Variants in NOX4 observed in about 807,000 individuals in gnomAD.
NOX4 encodes the protein kidney oxidase-1.
NOX4 carries 69 observed loss-of-function variants against 87.6 expected under a neutral mutation model. The ratio of observed to expected loss-of-function variants is 0.79; its 90% CI spans 0.65 to 0.96. NOX4 has a LOEUF of 0.96. Ranked by LOEUF, NOX4 falls within the 40% of genes least tolerant of loss-of-function variation. The pLI, the probability that NOX4 is intolerant of heterozygous loss-of-function variation, is 0.00. For synonymous variants in NOX4, 275 were observed against 238.2 expected, an observed-to-expected ratio of 1.15 and a Z score of -1.42; for missense variants, 680 against 681.5, an observed-to-expected ratio of 1.00 and a Z score of 0.02.
chr11:89,490,750 C>A, intron 1 of NOX4, 197 bp from the exon 2 acceptor site: 1 of 698,348 alleles, frequency 1.4e-6, no homozygotes, highest in South Asian at 1.5e-5. Context: ...CCAGCCCTTT[C>A]ACCTGAGACT....
chr11:89,423,001 T>C (rs1446834223), intron 7 of NOX4, among the ~76,000 whole-genome samples: 2 of 152,026 alleles, frequency 1.3e-5, no homozygotes, highest in South Asian at 2.1e-4. Flanking sequence ...GGTTTCACCA[T>C]GTTGGCCAGG....
intron 7 of NOX4, among the ~76,000 whole-genome samples, chr11:89,423,033 C>G (rs796477915): frequency 1.3e-5 from 2 of 152,040 alleles, no homozygotes; most frequent in African/African-American, 4.8e-5. Flanking sequence ...CTCCTGACCT[C>G]GTGATCCACC....
At chr11:89,553,615 C>G in the NOX4 span, among the ~76,000 whole-genome samples, 1 of 150,118 alleles carries the variant, frequency 6.7e-6, no homozygotes, top group Non-Finnish European at 1.5e-5. Flanking sequence ...AGTAGAGAGA[C>G]AAAAAAAAAT....
At chr11:89,491,122 C>A in intron 1 of NOX4, 68 bp downstream of exon 1, 1 of 1,477,918 alleles carries the variant, frequency 6.8e-7, no homozygotes, top group Non-Finnish European at 9.4e-7. Flanking sequence ...CCCGTGCACG[C>A]TCAGAGAATG....
At chr11:89,339,244 G>T (rs552914673) in intron 15 of NOX4, among the ~76,000 whole-genome samples, 2 of 152,208 alleles carry the variant, frequency 1.3e-5, no homozygotes, top group Non-Finnish European at 2.9e-5. Context: ...AAAGAATCTG[G>T]TGGGTCTATC....
At chr11:89,435,936 A>G (rs925673416) in intron 6 of NOX4, among the ~76,000 whole-genome samples, 1 of 152,178 alleles carries the variant, frequency 6.6e-6, no homozygotes, top group Admixed American at 6.6e-5. Context: ...TTAATAAAGT[A>G]ATAGATTTCA....
intron 15 of NOX4, among the ~76,000 whole-genome samples, chr11:89,338,498 A>G (rs577909839): frequency 6.6e-6 from 1 of 152,194 alleles, no homozygotes; most frequent in East Asian, 1.9e-4. Flanking sequence ...TCTTCTAGGT[A>G]CATACCTAGA....
chr11:89,372,019 C>G (rs1050111683), intron 12 of NOX4, among the ~76,000 whole-genome samples: 1 of 151,676 alleles, frequency 6.6e-6, no homozygotes, highest in African/African-American at 2.4e-5. Context: ...ATGAAATAAC[C>G]TCCTTATATA....
intron 2 of NOX4, among the ~76,000 whole-genome samples, chr11:89,470,490 A>T (rs573326746): frequency 1.3e-5 from 2 of 152,310 alleles, no homozygotes; most frequent in South Asian, 4.1e-4. Flanking sequence ...TTAGAAAAAG[A>T]GAATACCAAA....
At position 89,403,879 on chromosome 11, in the gene NOX4, T is replaced by A. The variant is rs370012687; in HGVS notation, c.630-1337A>T. 3.0e-4 allele frequency among the ~76,000 whole-genome samples: 45 copies of A among 152,328 alleles called. No individual in the cohort carries two copies. In the South Asian group the frequency reaches 9.1e-3, roughly 31 times the overall value. The stretch of plus-strand genomic sequence containing the variant: ...GGCCAGTCTCTGGTTGTATTCACCA[T>A]CTCCTCATCCTGATCACTTTCCTTT... On this transcript the variant is annotated intron_variant, in intron 8 of 17. Transcript: ENST00000263317.
At chr11:89,545,080 G>C in the NOX4 span, 1 of 152,130 alleles carries the variant, frequency 6.6e-6, no homozygotes, top group Non-Finnish European at 1.5e-5. Context: ...TGGTCTGTAA[G>C]TTGAATAGAA....
At chr11:89,542,910 C>T in the NOX4 span, among the ~76,000 whole-genome samples, 2 of 152,150 alleles carry the variant, frequency 1.3e-5, no homozygotes, top group African/African-American at 4.8e-5. Flanking sequence ...AGAATGCTAA[C>T]AGCTAACTTT....
chr11:89,565,012 A>G, the NOX4 span, among the ~76,000 whole-genome samples: 1 of 152,242 alleles, frequency 6.6e-6, no homozygotes, highest in African/African-American at 2.4e-5. Context: ...AGGATAACTT[A>G]AAAGTCTGCT....
upstream of NOX4, among the ~76,000 whole-genome samples, chr11:89,501,710 G>A (rs1229857200): frequency 6.6e-6 from 1 of 152,048 alleles, no homozygotes; most frequent in East Asian, 1.9e-4. Context: ...GACAGTGGAT[G>A]AAGAAGAACC....
intron 13 of NOX4, among the ~76,000 whole-genome samples, chr11:89,346,243 A>T (rs1946211112): frequency 6.6e-6 from 1 of 152,160 alleles, no homozygotes; most frequent in South Asian, 2.1e-4. Flanking sequence ...AAAAAAAACC[A>T]ATTTGATGTT....
chr11:89,526,747 G>A, the NOX4 span, among the ~76,000 whole-genome samples: 1 of 152,098 alleles, frequency 6.6e-6, no homozygotes, highest in African/African-American at 2.4e-5. Flanking sequence ...GTTTCCTGAG[G>A]CCTCCCGAGC....
chr11:89,358,613 A>G (rs1362626791), intron 12 of NOX4, among the ~76,000 whole-genome samples: 4 of 151,852 alleles, frequency 2.6e-5, no homozygotes, highest in East Asian at 3.9e-4. Context: ...TTATCCTTAG[A>G]AAAGTTCAAG....
chr11:89,350,883 T>C (rs913490996), intron 13 of NOX4, among the ~76,000 whole-genome samples: 3 of 152,258 alleles, frequency 2.0e-5, no homozygotes, highest in East Asian at 1.9e-4. Flanking sequence ...CAAAACAATA[T>C]TGAATTTAGG....
the NOX4 span, among the ~76,000 whole-genome samples, chr11:89,573,011 T>G: frequency 5.1e-4 from 77 of 152,260 alleles, no homozygotes; most frequent in East Asian, 0.012. Flanking sequence ...TTTACTATAG[T>G]TCACTGGTTT....
Sources: allele counts gnomAD v4.1 joint callset (sites outside exome capture counted in the v4.1 genomes callset), GRCh38; gene constraint gnomAD v4.1.1; transcripts MANE v1.5; gene names NCBI Gene and HGNC (gene_info 2026-07-23, HGNC 2026-07-21).